Variants in WSCD2 observed in about 807,000 individuals in gnomAD.
WSCD2 encodes the protein sialate:O-sulfotransferase 2.
In WSCD2, 28 loss-of-function variants were observed where a neutral mutation model predicts 55.7. The ratio of observed to expected loss-of-function variants is 0.50; its 90% confidence interval spans 0.37 to 0.69. WSCD2 has a LOEUF of 0.69. Ranked by LOEUF, WSCD2 falls within the 30% of genes least tolerant of loss-of-function variation. WSCD2 has a pLI of 0.00. For missense variants in WSCD2, 616 were observed against 762.1 expected (o/e 0.81, Z 2.26); for synonymous variants, 301 against 301.9 (o/e 1.00, Z 0.03).
rs1592989949 is a variant in WSCD2 at position 108,195,568 on chromosome 12, T to C, written c.-265T>C. 3 of 510,382 alleles carry C rather than the reference T, an allele frequency of 5.9e-6. No individual in the cohort carries two copies. The East Asian group carries it at 9.8e-5, about 17-fold the overall frequency. 31.6% of individuals were successfully genotyped at this position (510,382 alleles called of 1,614,324 possible). ...GAAAATGGGACCAACTTATGTGTGT[T>C]CTGAGCCTCAAAACCCCCTTGTTGG... On this transcript the variant is annotated 5_prime_UTR_variant, in exon 2 of 9. Coordinates refer to ENST00000547525, the MANE Select transcript of WSCD2 (RefSeq NM_014653.4).
intron 4 of WSCD2, among the ~76,000 whole-genome samples, chr12:108,222,148 C>T (rs1287108389): frequency 1.3e-5 from 2 of 152,170 alleles, no homozygotes; most frequent in African/African-American, 2.4e-5. Context: ...TATTCCATAT[C>T]CTCTTCTCTG....
intron 1 of WSCD2, among the ~76,000 whole-genome samples, chr12:108,132,147 G>A (rs60042220): frequency 0.017 from 2,563 of 151,924 alleles, 68 homozygotes; most frequent in African/African-American, 0.058. Flanking sequence ...TTTTTTCTGC[G>A]TGGTTCTGAG....
Position 108,224,769 on chromosome 12 carries a change from G to C in WSCD2, c.713G>C (p.Arg238Pro), listed in dbSNP as rs139768498. ...AGTGCAGTGTTCCGGGGCTGCTTCC[G>C]CAGGCCCGACAACCTTTCCCTGGCC... ...YGSAVFRGCF[R>P]RPDNLSLALP... The change falls in exon 5 of 9, where the codon CGC becomes CCC. Residue 238 changes from arginine (R) to proline (P), a missense_variant. Transcript: ENST00000547525. The C allele has an allele frequency of 6.2e-6, 10 of 1,613,274 alleles. No homozygotes were observed. Among genetic ancestry groups the C allele is most frequent in the Admixed American group, 1.7e-5 (1 of 60,016 alleles).
chr12:108,244,171 G>A (rs1469306), intron 8 of WSCD2, among the ~76,000 whole-genome samples: 4 of 152,082 alleles, frequency 2.6e-5, no homozygotes, highest in South Asian at 2.1e-4. Context: ...TGACAGTTCC[G>A]GTGGAACCAG....
At chr12:108,153,793 G>A (rs1012513330) in intron 1 of WSCD2, among the ~76,000 whole-genome samples, 1 of 152,128 alleles carries the variant, frequency 6.6e-6, no homozygotes, top group African/African-American at 2.4e-5. Context: ...CCTCCCGTTG[G>A]CCAAACTCTA....
chr12:108,157,162 A>G (rs1027792295), intron 1 of WSCD2, among the ~76,000 whole-genome samples: 1 of 152,206 alleles, frequency 6.6e-6, no homozygotes, highest in Admixed American at 6.5e-5. Context: ...TTGTCTTAAT[A>G]GACTTTATTT....
At chr12:108,229,257 C>T (rs375474067) in intron 6 of WSCD2, among the ~76,000 whole-genome samples, 25 of 152,196 alleles carry the variant, frequency 1.6e-4, no homozygotes, top group East Asian at 1.3e-3. Flanking sequence ...AATTATTGAA[C>T]ACTTGCTCTG....
intron 1 of WSCD2, among the ~76,000 whole-genome samples, chr12:108,132,976 T>C (rs1183490118): frequency 6.6e-6 from 1 of 152,200 alleles, no homozygotes; most frequent in Non-Finnish European, 1.5e-5. Flanking sequence ...GTAATCTCTG[T>C]GAATGTCTCT....
At chr12:108,149,561 G>A (rs1340083254) in intron 1 of WSCD2, among the ~76,000 whole-genome samples, 1 of 152,110 alleles carries the variant, frequency 6.6e-6, no homozygotes, top group Non-Finnish European at 1.5e-5. Flanking sequence ...AGCTGAGGCT[G>A]AGCCTTCAGT....
At chr12:108,218,707 C>G (rs992235591) in intron 4 of WSCD2, among the ~76,000 whole-genome samples, 15 of 152,202 alleles carry the variant, frequency 9.9e-5, no homozygotes, top group African/African-American at 3.6e-4. Context: ...AAAGACCACC[C>G]TGGGCTTGCT....
At chr12:108,188,116 C>G (rs1411666628) in intron 1 of WSCD2, among the ~76,000 whole-genome samples, 1 of 152,096 alleles carries the variant, frequency 6.6e-6, no homozygotes, top group Non-Finnish European at 1.5e-5. Flanking sequence ...GGCACTTTGC[C>G]TTCTCATTTA....
chr12:108,218,037 C>A (rs1056495763), intron 4 of WSCD2, among the ~76,000 whole-genome samples: 2 of 152,206 alleles, frequency 1.3e-5, no homozygotes, highest in African/African-American at 2.4e-5. Context: ...GTCTCCCCCT[C>A]TTTTCAGTCT....
intron 4 of WSCD2, among the ~76,000 whole-genome samples, chr12:108,217,991 C>T (rs1887049042): frequency 1.3e-5 from 2 of 152,176 alleles, no homozygotes; most frequent in South Asian, 4.1e-4. Context: ...TGGAAGAAAT[C>T]ACATGGAGAA....
intron 6 of WSCD2, among the ~76,000 whole-genome samples, 176 bp from the exon 7 acceptor site, chr12:108,232,555 A>G (rs562904387): frequency 1.3e-5 from 2 of 152,198 alleles, no homozygotes; most frequent in Non-Finnish European, 2.9e-5. Flanking sequence ...CATCTCCCTC[A>G]TTTTACAGAT....
At chr12:108,185,628 A>ATTT (rs1479574393) in intron 1 of WSCD2, among the ~76,000 whole-genome samples, 2 of 152,084 alleles carry the variant, frequency 1.3e-5, no homozygotes, top group Non-Finnish European at 2.9e-5. Context: ...ACAAGATAAC[A>ATTT]TTTCTCCTTA....
chr12:108,238,817 C>T (rs1382897797), intron 7 of WSCD2, among the ~76,000 whole-genome samples: 1 of 152,184 alleles, frequency 6.6e-6, no homozygotes, highest in Non-Finnish European at 1.5e-5. Flanking sequence ...CTAAGGGGCA[C>T]TTAGAGGGTG....
chr12:108,208,826 C>A (rs1885765799), intron 3 of WSCD2, among the ~76,000 whole-genome samples: 1 of 152,210 alleles, frequency 6.6e-6, no homozygotes, highest in Non-Finnish European at 1.5e-5. Flanking sequence ...CTGTCATATG[C>A]CAGGCATTGT....
At chr12:108,159,704 T>A (rs1460282384) in intron 1 of WSCD2, among the ~76,000 whole-genome samples, 1 of 152,232 alleles carries the variant, frequency 6.6e-6, no homozygotes, top group Non-Finnish European at 1.5e-5. Flanking sequence ...GCTCTTGGAC[T>A]GTGAGTTGGT....
chr12:108,188,926 T>C (rs2137024561), intron 1 of WSCD2, among the ~76,000 whole-genome samples: 1 of 152,358 alleles, frequency 6.6e-6, no homozygotes, highest in Non-Finnish European at 1.5e-5. Context: ...GAACTTTAGC[T>C]TTCTCATCTG....
Sources: gnomAD v4.1 joint callset for allele counts (sites outside exome capture counted in the v4.1 genomes callset) on GRCh38, gnomAD v4.1.1 for gene constraint, MANE v1.5 for transcripts, NCBI Gene and HGNC (gene_info 2026-07-23, HGNC 2026-07-21) for gene names.